The following TDRD12 variants were observed in gnomAD, a reference collection of about 807,000 sequenced individuals.
TDRD12 encodes tudor domain containing 12.
In TDRD12, 158 loss-of-function variants were observed where a neutral mutation model predicts 133.5. The ratio of observed to expected loss-of-function variants is 1.18; its 90% CI spans 1.04 to 1.35. The LOEUF (loss-of-function observed/expected upper bound fraction) is 1.35. Ranked by LOEUF, TDRD12 falls within the 40% of genes most tolerant of loss-of-function variation. The pLI is 0.00. For missense variants in TDRD12, 1,443 were observed against 1,321.3 expected (o/e 1.09, Z -1.43); for synonymous variants, 460 against 477.9 (o/e 0.96, Z 0.49).
chr19:32,803,195 G>C (rs1971451677), intron 21 of TDRD12, 53 bp downstream of exon 21: 7 of 1,291,020 alleles, frequency 5.4e-6, no homozygotes, highest in Non-Finnish European at 7.3e-6. Context: ...GCAGTAAGGT[G>C]CACAGCTGTT....
At chr19:32,760,823 T>C (rs1361925321) in intron 8 of TDRD12, among the ~76,000 whole-genome samples, 1 of 152,248 alleles carries the variant, frequency 6.6e-6, no homozygotes, top group Non-Finnish European at 1.5e-5. Flanking sequence ...ATCTTCTCAA[T>C]AAATTTTTTA....
chr19:32,792,255 A>G (rs995948764), intron 13 of TDRD12, among the ~76,000 whole-genome samples: 1 of 152,102 alleles, frequency 6.6e-6, no homozygotes, highest in Non-Finnish European at 1.5e-5. Context: ...CAAAAAAAAA[A>G]AGACCGAAAC....
At chr19:32,740,001 C>G (rs1451789825) in intron 3 of TDRD12, among the ~76,000 whole-genome samples, 36 of 104,268 alleles carry the variant, frequency 3.5e-4, no homozygotes, top group East Asian at 6.7e-4. Flanking sequence ...CCTGGGTGCT[C>G]TCTGCATCTC....
rs542315764 is a variant in TDRD12, at chr19:32,815,850, T to C, written c.3314+230T>C. Among the ~76,000 whole-genome samples the C allele has an allele frequency of 4.6e-5, 7 of 152,218 alleles. No homozygotes were observed. The South Asian group carries it at 1.5e-3, about 32-fold the overall frequency. ...TTTTACTAAAAATACAAAAATTAGCTGGGTGTGGCAGCACGTGCCTGTAAT... is the reference window on the plus strand; with the variant it reads ...TTTTACTAAAAATACAAAAATTAGCCGGGTGTGGCAGCACGTGCCTGTAAT... On this transcript the variant is annotated intron_variant, in intron 26 of 27. Coordinates refer to ENST00000444215, the Ensembl canonical transcript of TDRD12.
intron 21 of TDRD12, among the ~76,000 whole-genome samples, chr19:32,804,944 ATTT>A: frequency 6.6e-6 from 1 of 151,722 alleles, no homozygotes; most frequent in East Asian, 1.9e-4. Flanking sequence ...ATTCTCCTAT[ATTT>A]CTAGAAGCTT....
chr19:32,801,883 T>C lies in TDRD12; in HGVS notation c.2197+10T>C. The C allele has an allele frequency of 9.3e-7, 1 of 1,075,418 alleles. No homozygotes were observed. The highest frequency in any genetic ancestry group is 1.3e-6 in the Non-Finnish European group (1 of 763,086). 66.6% of individuals were successfully genotyped at this position (1,075,418 alleles called of 1,614,324 possible). On this transcript the variant is annotated intron_variant, in intron 19 of 27. Coordinates refer to ENST00000444215, the Ensembl canonical transcript of TDRD12. ...TCTCAAATTATATTAGGTAAGTGTTTTAATTTCTACTTCTATTTAGTGAAG... is the reference window on the plus strand; with the variant it reads ...TCTCAAATTATATTAGGTAAGTGTTCTAATTTCTACTTCTATTTAGTGAAG...
intron 17 of TDRD12, 58 bp downstream of exon 17, chr19:32,800,416 G>T: frequency 7.7e-7 from 1 of 1,295,588 alleles, no homozygotes; most frequent in South Asian, 1.7e-5. Flanking sequence ...TGTTGGTGGG[G>T]GGCTGATGAA....
rs1446739920 is a variant in TDRD12 at position 32,731,696 on chromosome 19, G to C, written c.25-29G>C. ...TGGTACTACTTTTAAATCATACGCT[G>C]TTCTGTTTGTCTTTTAAAAAATTTA... is the stretch of plus-strand genomic sequence containing the variant. On this transcript the variant is annotated intron_variant, in intron 1 of 27. Transcript: ENST00000444215. 4 of 1,519,208 alleles carry C rather than the reference G, an allele frequency of 2.6e-6. No individual in the cohort carries two copies. In the East Asian group the frequency reaches 7.4e-5, roughly 28 times the overall value. 94.1% of individuals were successfully genotyped at this position (1,519,208 alleles called of 1,614,324 possible).
At chr19:32,744,811 G>A (rs1194661226) in intron 4 of TDRD12, among the ~76,000 whole-genome samples, 3 of 152,058 alleles carry the variant, frequency 2.0e-5, no homozygotes, top group Non-Finnish European at 2.9e-5. Flanking sequence ...TTCCCGGGAC[G>A]ATGGCATTAT....
At position 32,756,199 on chromosome 19, in the gene TDRD12, A is replaced by T; in HGVS notation, c.772+18A>T. 1 of 1,399,044 alleles carries T rather than the reference A, an allele frequency of 7.1e-7. No homozygotes were observed. Among genetic ancestry groups the T allele is most frequent in the South Asian group, 1.8e-5 (1 of 56,656 alleles). 86.7% of individuals were successfully genotyped at this position (1,399,044 alleles called of 1,614,324 possible). ...AATGGAAGGTGAGTAGATTCTCATCATATCAATTTCCCTTACATTGTTTTA... is the reference window on the plus strand; with the variant it reads ...AATGGAAGGTGAGTAGATTCTCATCTTATCAATTTCCCTTACATTGTTTTA... On this transcript the variant is annotated intron_variant, in intron 7 of 27. Coordinates refer to ENST00000444215, the Ensembl canonical transcript of TDRD12.
chr19:32,760,004 G>T (rs1970107151), intron 8 of TDRD12, among the ~76,000 whole-genome samples: 1 of 152,244 alleles, frequency 6.6e-6, no homozygotes, highest in Non-Finnish European at 1.5e-5. Context: ...CCCCAGGTGA[G>T]AATTACAGCA....
chr19:32,808,926 C>A (rs902976221), intron 22 of TDRD12, among the ~76,000 whole-genome samples: 13 of 151,888 alleles, frequency 8.6e-5, no homozygotes, highest in African/African-American at 3.1e-4. Context: ...GCTCTTTATT[C>A]TCTTTTTAAT....
intron 8 of TDRD12, among the ~76,000 whole-genome samples, chr19:32,764,642 A>G (rs1163118933): frequency 6.6e-6 from 1 of 152,200 alleles, no homozygotes; most frequent in African/African-American, 2.4e-5. Flanking sequence ...CATTGTTCAA[A>G]TCTTCTTTAT....
chr19:32,774,669 C>T (rs760486159), intron 10 of TDRD12, among the ~76,000 whole-genome samples: 3 of 152,056 alleles, frequency 2.0e-5, no homozygotes, highest in East Asian at 3.8e-4. Flanking sequence ...CTTTTGATTA[C>T]TGGTTTTAGC....
rs752625728 is a variant in TDRD12 at position 32,807,434 on chromosome 19, G to A, written c.2553-115G>A. On this transcript the variant is annotated intron_variant, in intron 21 of 27. Transcript: ENST00000444215. ...AATGTGGTTATTCAGTCTTTAGGGT[G>A]TTTGGAATAAAAGTTATCTGATTTA... 32 of 617,502 alleles carry A rather than the reference G, an allele frequency of 5.2e-5. No individual in the cohort carries two copies. The Middle Eastern group carries it at 3.0e-3, about 58-fold the overall frequency. 38.3% of individuals were successfully genotyped at this position (617,502 alleles called of 1,614,324 possible).
At chr19:32,792,967 C>T (rs1971115152) in intron 13 of TDRD12, among the ~76,000 whole-genome samples, 1 of 152,150 alleles carries the variant, frequency 6.6e-6, no homozygotes, top group Admixed American at 6.5e-5. Flanking sequence ...GCGCAGATTG[C>T]CTGAGCTCAG....
At chr19:32,826,248 C>T, downstream of TDRD12, 4 of 1,476,302 alleles carry the variant, frequency 2.7e-6, no homozygotes, top group Non-Finnish European at 3.6e-6. Context: ...TTCTAGCTTC[C>T]ACCCACAAAT....
chr19:32,791,498 T>A (rs989554771), intron 13 of TDRD12, among the ~76,000 whole-genome samples: 11 of 151,946 alleles, frequency 7.2e-5, no homozygotes, highest in Admixed American at 5.2e-4. Flanking sequence ...TAAAAAAAGT[T>A]AAAAAAAAAT....
exon 9 of TDRD12, chr19:32,772,818 C>A (rs1262380334): frequency 4.6e-6 from 7 of 1,509,354 alleles, no homozygotes; most frequent in Non-Finnish European, 6.2e-6. Context: ...TGAAAAGAAA[C>A]ACCATTGCAT....
Sources: allele counts gnomAD v4.1 joint callset (sites outside exome capture counted in the v4.1 genomes callset), GRCh38; gene constraint gnomAD v4.1.1; transcripts MANE v1.5; gene names NCBI Gene and HGNC (gene_info 2026-07-23, HGNC 2026-07-21).